Variants in ABCC10 observed in about 807,000 individuals in gnomAD.
ABCC10 encodes ATP binding cassette subfamily C member 10.
ABCC10 carries 110 observed loss-of-function variants against 143.2 expected under a neutral mutation model. The observed-to-expected ratio is 0.77, with a 90% CI of 0.66 to 0.90. The LOEUF is 0.90. Ranked by LOEUF, ABCC10 falls within the 40% of genes least tolerant of loss-of-function variation. The probability of loss-of-function intolerance (pLI) is 0.00; values close to 1 mark genes in which losing one functional copy is unlikely to be tolerated. For synonymous variants in ABCC10, 805 were observed against 846.7 expected, an observed-to-expected ratio of 0.95 and a Z score of 0.85; for missense variants, 1,700 against 1,900.5, an observed-to-expected ratio of 0.89 and a Z score of 1.96.
intron 2 of ABCC10, 115 bp from the exon 3 acceptor site, chr6:43,432,027 G>A (rs1781190690): frequency 6.7e-7 from 1 of 1,492,256 alleles, no homozygotes; most frequent in African/African-American, 1.4e-5. Context: ...GGGATAAGAT[G>A]TGCAAGGCAG....
chr6:43,440,162 G>A (rs1581746650), intron 8 of ABCC10, among the ~76,000 whole-genome samples: 1 of 151,154 alleles, frequency 6.6e-6, no homozygotes, highest in Non-Finnish European at 1.5e-5. Flanking sequence ...TCACCATGTT[G>A]CCCAGGCTGG....
At chr6:43,451,889 T>C (rs1783769268), downstream of ABCC10, 2 of 1,606,900 alleles carry the variant, frequency 1.2e-6, no homozygotes, top group Admixed American at 1.7e-5. This position sits in a 1 kb window ranked among gnomAD's most constrained non-coding sequence, Gnocchi z 4.4. Flanking sequence ...TCTCATCCCA[T>C]CACCAGGTTC....
intron 7 of ABCC10, 182 bp downstream of exon 7, chr6:43,438,195 C>A: frequency 1.1e-6 from 1 of 902,150 alleles, no homozygotes; most frequent in East Asian, 2.7e-5. Flanking sequence ...TCATTGTAAT[C>A]ATTACACCAG....
chr6:43,439,852 G>A (rs543687735), intron 8 of ABCC10, among the ~76,000 whole-genome samples: 10 of 152,278 alleles, frequency 6.6e-5, no homozygotes, highest in Non-Finnish European at 1.3e-4. Flanking sequence ...AAGGTGCTGG[G>A]ATTACAGGCG....
intron 9 of ABCC10, among the ~76,000 whole-genome samples, chr6:43,442,343 G>A (rs994773534): frequency 6.6e-6 from 1 of 152,148 alleles, no homozygotes; most frequent in Non-Finnish European, 1.5e-5. Flanking sequence ...CGAGGAGGGT[G>A]GATCACTTGA....
At chr6:43,441,481 A>C (rs909232740) in intron 8 of ABCC10, among the ~76,000 whole-genome samples, 3 of 152,206 alleles carry the variant, frequency 2.0e-5, no homozygotes, top group African/African-American at 7.2e-5. Flanking sequence ...TCTCAAAAAA[A>C]AAAAAGGGTA....
rs758434751 is a variant in ABCC10 at position 43,448,863 on chromosome 6, C to T, written c.3960-18C>T. 3 of 1,600,268 alleles carry T rather than the reference C, an allele frequency of 1.9e-6. No individual in the cohort carries two copies. The highest frequency in any genetic ancestry group is 8.5e-7 in the Non-Finnish European group (1 of 1,173,398). ...GGCTACATCTCCAACCACTAGACTC[C>T]ATGTCATTGTCCCCCAGATCCCAGT... On this transcript the variant is annotated intron_variant, in intron 18 of 21. Coordinates refer to ENST00000372530, the MANE Select transcript of ABCC10 (RefSeq NM_001198934.2).
intron 2 of ABCC10, among the ~76,000 whole-genome samples, chr6:43,428,888 G>A (rs925826445): frequency 3.9e-5 from 6 of 152,158 alleles, no homozygotes; most frequent in Non-Finnish European, 7.3e-5. Context: ...ATTTTTAATA[G>A]CTGCTCTTCT....
In ABCC10 at chr6:43,449,511, G is replaced by C. The variant is rs1562207977; in HGVS notation, c.4293G>C (p.Lys1431Asn). Residue 1431 changes from lysine (K) to asparagine (N), a missense_variant, in exon 21 of 22, where the codon AAG becomes AAC. By Grantham distance (94) the Lys-to-Asn change is moderately conservative (BLOSUM62 0). Coordinates refer to ENST00000372530, the MANE Select transcript of ABCC10 (RefSeq NM_001198934.2). ...QQTICKRFAN[K>N]TVLTIAHRLN... ...CCATCTGCAAACGCTTTGCCAACAA[G>C]ACAGTGCTGACCATTGCCCATAGGT... The C allele has an allele frequency of 6.2e-7, 1 of 1,614,012 alleles. No homozygotes were observed. Among genetic ancestry groups the C allele is most frequent in the Middle Eastern group, 1.7e-4 (1 of 6,060 alleles).
At chr6:43,440,689 C>A (rs1484550456) in intron 8 of ABCC10, among the ~76,000 whole-genome samples, 1 of 151,814 alleles carries the variant, frequency 6.6e-6, no homozygotes, top group Non-Finnish European at 1.5e-5. Flanking sequence ...TGGTGAAACC[C>A]CATCTCTACT....
At position 43,443,506 on chromosome 6, in the gene ABCC10, A is replaced by T. The variant is rs972313180; in HGVS notation, c.2416+347A>T. The T allele has an allele frequency of 1.4e-5, 4 of 284,602 alleles. No homozygotes were observed. The highest frequency in any genetic ancestry group is 2.2e-5 in the African/African-American group (1 of 46,152). 17.6% of individuals were successfully genotyped at this position (284,602 alleles called of 1,614,324 possible). A position where few individuals can be genotyped will look rare whatever the true frequency, so the allele number is the denominator to read the frequency against. On this transcript the variant is annotated intron_variant, in intron 10 of 21. Transcript: ENST00000372530. The surrounding 1 kb of genome is among the most constrained non-coding windows in gnomAD (Gnocchi z 4.2). ...AATTTTTAAACTCTGAAAGATTTTT[A>T]TGCAGAGGGATGTGACCACCTGCAA...
rs1291319461 is a variant in ABCC10, at chr6:43,434,683, G to C, written c.1443G>C (p.Leu481=). 2.9e-5 allele frequency: 47 copies of C among 1,614,058 alleles called. No individual in the cohort carries two copies. Among genetic ancestry groups the C allele is most frequent in the Non-Finnish European group, 3.9e-5 (46 of 1,180,048 alleles). The change falls in exon 4 of 22, where the codon CTG becomes CTC. Residue 481 remains leucine (L), a synonymous_variant. Coordinates refer to ENST00000372530, the MANE Select transcript of ABCC10 (RefSeq NM_001198934.2). ...AGTTCTGCGGGTGGGAGCAGGCACT[G>C]GGAGCCCGAGTAGAGGCCTGCCGGG... is the stretch of plus-strand genomic sequence containing the variant. The part of the protein sequence containing the change: ...VIKFCGWEQA[L]GARVEACRAR...
intron 2 of ABCC10, among the ~76,000 whole-genome samples, chr6:43,428,915 C>T (rs1780794884): frequency 6.6e-6 from 1 of 152,152 alleles, no homozygotes; most frequent in African/African-American, 2.4e-5. Flanking sequence ...GCTGTCTATG[C>T]TAGGTGATTA....
chr6:43,444,662 G>A (rs1414823968), intron 12 of ABCC10, 126 bp from the exon 13 acceptor site: 10 of 1,370,782 alleles, frequency 7.3e-6, no homozygotes, highest in Non-Finnish European at 9.8e-6. Flanking sequence ...GGCAGGGTGG[G>A]GAGGCCAGGC....
At position 43,432,489 on chromosome 6, in the gene ABCC10, C is replaced by G. The variant is rs751630132; in HGVS notation, c.509C>G (p.Ala170Gly). The change falls in exon 3 of 22, where the codon GCC (alanine) becomes GGC (glycine). Residue 170 changes from alanine to glycine, a missense_variant. Coordinates refer to ENST00000372530, the MANE Select transcript of ABCC10 (RefSeq NM_001198934.2). ...CCCCCACTTCTCCCAGGGCCCATGG[C>G]CCGCCTATGCTTGCTCATCCTGCAG... ...LLPPLLPGPM[A>G]RLCLLILQLA... 3 of 1,611,946 alleles carry G rather than the reference C, an allele frequency of 1.9e-6. No homozygotes were observed. The Admixed American group carries it at 5.0e-5, about 27-fold the overall frequency.
At chr6:43,440,752 C>T (rs946906296) in intron 8 of ABCC10, among the ~76,000 whole-genome samples, 15 of 151,834 alleles carry the variant, frequency 9.9e-5, no homozygotes, top group Admixed American at 3.9e-4. Context: ...ATCCCAGCTA[C>T]TCGGGAGGCT....
intron 14 of ABCC10, 47 bp from the exon 15 acceptor site, chr6:43,445,552 C>T (rs979001567): frequency 1.9e-6 from 3 of 1,573,992 alleles, no homozygotes; most frequent in Non-Finnish European, 2.6e-6. Context: ...CTGCCAACCC[C>T]TCTTCTGCCA....
In ABCC10 at chr6:43,447,506, C is replaced by T. The variant is rs1463100815; in HGVS notation, c.3705+98C>T. ...CTTTTTGCCCACCCATCTTTCTCAG[C>T]TCCCATAACCTCTCTTCATGATGAC... On this transcript the variant is annotated intron_variant, in intron 17 of 21. Coordinates refer to ENST00000372530, the MANE Select transcript of ABCC10 (RefSeq NM_001198934.2). 6.4e-6 allele frequency: 10 copies of T among 1,551,672 alleles called. No individual in the cohort carries two copies. The East Asian group carries it at 2.0e-4, about 31-fold the overall frequency.
chr6:43,443,836 G>A lies in ABCC10; in HGVS notation c.2417-97G>A, dbSNP rs1782731786. The A allele has an allele frequency of 1.6e-6, 2 of 1,272,168 alleles. No homozygotes were observed. The highest frequency in any genetic ancestry group is 1.5e-5 in the African/African-American group (1 of 68,162). 78.8% of individuals were successfully genotyped at this position (1,272,168 alleles called of 1,614,324 possible). A position where few individuals can be genotyped will look rare whatever the true frequency, so the allele number is the denominator to read the frequency against. ...CTGCTAGGGTGGGTTAGACGGGGAG[G>A]CCTGAGAGGATGAGAGGTGGGATCT... On this transcript the variant is annotated intron_variant, in intron 10 of 21. Coordinates refer to ENST00000372530, the MANE Select transcript of ABCC10 (RefSeq NM_001198934.2). This position sits in a 1 kb window ranked among gnomAD's most constrained non-coding sequence, Gnocchi z 4.2.
Sources: gnomAD v4.1 joint callset for allele counts (sites outside exome capture counted in the v4.1 genomes callset) on GRCh38, gnomAD v4.1.1 for gene constraint, Gnocchi (gnomAD v3.1) non-coding constraint, MANE v1.5 for transcripts, NCBI Gene and HGNC (gene_info 2026-07-23, HGNC 2026-07-21) for gene names.